The following MIPEP variants were observed in gnomAD, a reference collection of about 807,000 sequenced individuals.
The protein encoded by MIPEP is mitochondrial intermediate peptidase.
Under a neutral mutation model 90.3 loss-of-function variants are expected in MIPEP, and 79 were observed. The ratio of observed to expected loss-of-function variants is 0.87; its 90% CI spans 0.73 to 1.05. The LOEUF is 1.05. Among genes scored for constraint, MIPEP ranks in the 50% least tolerant of loss-of-function variants. MIPEP has a pLI of 0.00. For synonymous variants in MIPEP, 334 were observed against 315.8 expected (o/e 1.06, Z -0.61); for missense variants, 940 against 905.6 (o/e 1.04, Z -0.49).
At chr13:23,753,263 AAAG>A (rs1952460588) in intron 18 of MIPEP, among the ~76,000 whole-genome samples, 1 of 151,938 alleles carries the variant, frequency 6.6e-6, no homozygotes, top group Non-Finnish European at 1.5e-5. Context: ...TAAGACAAAA[AAAG>A]AAGTGTTTTG....
In MIPEP at chr13:23,801,958, AT is replaced by A. The variant is rs981425676; in HGVS notation, c.1848+3991del. On this transcript the variant is annotated intron_variant, in intron 16 of 18. Coordinates refer to ENST00000382172, the MANE Select transcript of MIPEP (RefSeq NM_005932.4). ...GTATACCTGGTAGAGAAAGTAAAACATTTTTTTTTCTAGGTTATATTAGGAA... is the reference window on the plus strand; with the variant it reads ...GTATACCTGGTAGAGAAAGTAAAACATTTTTTTTCTAGGTTATATTAGGAA... Among the ~76,000 whole-genome samples the A allele has an allele frequency of 1.2e-3, 176 of 151,138 alleles. 1 individual carries two copies. Among genetic ancestry groups the A allele is most frequent in the African/African-American group, 4.1e-3 (170 of 41,156 alleles).
rs559558895 is a variant in MIPEP, at chr13:23,733,526, G to A, written c.2045-3081C>T. ...ACCCTTGTCAAGTTTGAGGTGGAAGGGGACACTCCATGTGGAGACAGTGAG... is the reference window on the plus strand; with the variant it reads ...ACCCTTGTCAAGTTTGAGGTGGAAGAGGACACTCCATGTGGAGACAGTGAG... On this transcript the variant is annotated intron_variant, in intron 18 of 18. Transcript: ENST00000382172. Among the ~76,000 whole-genome samples the A allele has an allele frequency of 3.9e-5, 6 of 152,268 alleles. No individual in the cohort carries two copies. The South Asian group carries it at 1.2e-3, about 32-fold the overall frequency.
At chr13:23,788,486 G>A (rs1401442824) in intron 16 of MIPEP, among the ~76,000 whole-genome samples, 3 of 152,182 alleles carry the variant, frequency 2.0e-5, no homozygotes, top group Non-Finnish European at 4.4e-5. Context: ...AGGAGATGTG[G>A]ACAACTGTAT....
intron 6 of MIPEP, 151 bp downstream of exon 6, chr13:23,869,862 T>C (rs897313613): frequency 6.1e-6 from 3 of 489,766 alleles, no homozygotes; most frequent in Non-Finnish European, 1.1e-5. Context: ...AAAGTGTTTA[T>C]GGCATTAATA....
rs1205707364 is a variant in MIPEP, at chr13:23,758,671, C to CA, written c.1970+1424dup. The stretch of plus-strand genomic sequence containing the variant: ...TCTACAGTCTGCAAAGGGCAGAAGA[C>CA]AAAATACATGTGAGTACCAAGCTGC... On this transcript the variant is annotated intron_variant, in intron 17 of 18. Coordinates refer to ENST00000382172, the MANE Select transcript of MIPEP (RefSeq NM_005932.4). Among the ~76,000 whole-genome samples, 4 of 152,272 alleles carry CA rather than the reference C, an allele frequency of 2.6e-5. No individual in the cohort carries two copies. The East Asian group carries it at 7.7e-4, about 29-fold the overall frequency.
At chr13:23,798,139 A>G (rs1043364672) in intron 16 of MIPEP, among the ~76,000 whole-genome samples, 3 of 152,252 alleles carry the variant, frequency 2.0e-5, no homozygotes, top group African/African-American at 7.2e-5. Context: ...AGTTATCACA[A>G]TATAAATACA....
chr13:23,883,573 C>T (rs1871351204), intron 2 of MIPEP, among the ~76,000 whole-genome samples: 2 of 152,106 alleles, frequency 1.3e-5, no homozygotes, highest in Admixed American at 1.3e-4. Context: ...ACTTGTAATA[C>T]CTAATGAATG....
intron 9 of MIPEP, among the ~76,000 whole-genome samples, chr13:23,860,561 G>C (rs1870247906): frequency 6.6e-6 from 1 of 152,184 alleles, no homozygotes; most frequent in South Asian, 2.1e-4. Flanking sequence ...GGGAGCAGCA[G>C]GGTAGTAGGA....
intron 16 of MIPEP, among the ~76,000 whole-genome samples, chr13:23,787,311 C>T (rs1183210679): frequency 6.6e-6 from 1 of 152,010 alleles, no homozygotes; most frequent in Non-Finnish European, 1.5e-5. Flanking sequence ...TGTCTGATGA[C>T]GGCCTGCTTC....
chr13:23,887,232 C>CAT, intron 1 of MIPEP, among the ~76,000 whole-genome samples: 1 of 152,208 alleles, frequency 6.6e-6, no homozygotes, highest in Non-Finnish European at 1.5e-5. Context: ...AATCACTGAT[C>CAT]TAATGGTAAT....
At position 23,889,308 on chromosome 13, in the gene MIPEP, C is replaced by T; in HGVS notation, c.13G>A (p.Gly5Arg). The change falls in exon 1 of 19, where the codon GGA (glycine) becomes AGA (arginine). Residue 5 changes from glycine (G) to arginine (R), a missense_variant. Transcript: ENST00000382172. ...CTGGCTCCCAAGCCGCCCAGCCTTC[C>T]GACGCACAGCATTCTAGCACCAGAG... MLCV[G>R]RLGGLGARAA... 7.4e-7 allele frequency: 1 copy of T among 1,347,754 alleles called. No individual in the cohort carries two copies. 83.5% of individuals were successfully genotyped at this position (1,347,754 alleles called of 1,614,324 possible).
chr13:23,784,833 T>C (rs183766102), intron 16 of MIPEP, among the ~76,000 whole-genome samples: 25 of 152,248 alleles, frequency 1.6e-4, no homozygotes, highest in Middle Eastern at 3.4e-3. Flanking sequence ...GTGAAGGATA[T>C]GAACAGACAC....
intron 5 of MIPEP, among the ~76,000 whole-genome samples, chr13:23,873,634 A>G (rs1208912188): frequency 1.3e-5 from 2 of 152,226 alleles, no homozygotes; most frequent in African/African-American, 2.4e-5. Context: ...GTGTTTGGTG[A>G]TAAGAATCAA....
At chr13:23,819,428 T>C (rs922473127) in intron 14 of MIPEP, among the ~76,000 whole-genome samples, 11 of 152,310 alleles carry the variant, frequency 7.2e-5, no homozygotes, top group Non-Finnish European at 8.8e-5. Context: ...TGTTCCCACC[T>C]TATAAAGCCC....
At chr13:23,781,140 G>A (rs1418945415) in intron 16 of MIPEP, among the ~76,000 whole-genome samples, 3 of 152,104 alleles carry the variant, frequency 2.0e-5, no homozygotes, top group Admixed American at 2.0e-4. Flanking sequence ...GCAACTCCAA[G>A]ACACATAATT....
chr13:23,776,708 T>C (rs2138540552), intron 16 of MIPEP, among the ~76,000 whole-genome samples: 1 of 152,168 alleles, frequency 6.6e-6, no homozygotes, highest in South Asian at 2.1e-4. Context: ...GGAAAGAAAG[T>C]AGAATAAGCA....
chr13:23,854,036 T>C (rs1869928145), intron 10 of MIPEP, among the ~76,000 whole-genome samples: 3 of 151,690 alleles, frequency 2.0e-5, no homozygotes, highest in Admixed American at 2.0e-4. Context: ...AGAAAAATCT[T>C]GGTAATTGGC....
chr13:23,874,560 A>G (rs577772109), intron 5 of MIPEP, among the ~76,000 whole-genome samples: 1 of 152,338 alleles, frequency 6.6e-6, no homozygotes, highest in African/African-American at 2.4e-5. Flanking sequence ...TTCACTTGCC[A>G]GTCTTTCCTG....
chr13:23,749,847 C>A (rs1049778657), intron 18 of MIPEP, among the ~76,000 whole-genome samples: 2 of 152,160 alleles, frequency 1.3e-5, no homozygotes, highest in African/African-American at 4.8e-5. Context: ...TCAGAATAAA[C>A]ACCAACTCTC....
Sources: gnomAD v4.1 joint callset for allele counts (sites outside exome capture counted in the v4.1 genomes callset) on GRCh38, gnomAD v4.1.1 for gene constraint, MANE v1.5 for transcripts, NCBI Gene and HGNC (gene_info 2026-07-23, HGNC 2026-07-21) for gene names.